CSMD1: variants seen among roughly 807,000 people sequenced by gnomAD.
The protein encoded by CSMD1 is CUB and sushi domain-containing protein 1.
CSMD1 carries 213 observed loss-of-function variants against 417.5 expected under a neutral mutation model. The ratio of observed to expected loss-of-function variants is 0.51; its 90% CI spans 0.46 to 0.57. The LOEUF (loss-of-function observed/expected upper bound fraction) is 0.57. Among genes scored for constraint, CSMD1 ranks in the 20% least tolerant of loss-of-function variants. The pLI, the probability that CSMD1 is intolerant of heterozygous loss-of-function variation, is 0.00. For synonymous variants in CSMD1, 2,862 were observed against 1,736.8 expected (o/e 1.65, Z -16.11); for missense variants, 6,923 against 4,529.7 (o/e 1.53, Z -15.17).
chr8:4,394,433 C>T (rs530173564), intron 3 of CSMD1, among the ~76,000 whole-genome samples: 32 of 152,222 alleles, frequency 2.1e-4, no homozygotes, highest in African/African-American at 6.5e-4. Context: ...ATTCAATATG[C>T]GATTTTTAGT....
intron 52 of CSMD1, among the ~76,000 whole-genome samples, chr8:3,004,458 G>C (rs1230926177): frequency 1.3e-5 from 2 of 152,150 alleles, no homozygotes; most frequent in African/African-American, 2.4e-5. Flanking sequence ...TCAATCTTCT[G>C]CGTGAATTTA....
At chr8:3,875,514 G>C (rs1336536807) in intron 5 of CSMD1, among the ~76,000 whole-genome samples, 2 of 152,240 alleles carry the variant, frequency 1.3e-5, no homozygotes, top group South Asian at 2.1e-4. Context: ...TGGAGAAAAG[G>C]GGAGGAAGCA....
intron 3 of CSMD1, among the ~76,000 whole-genome samples, chr8:4,032,609 G>C (rs759456300): frequency 1.4e-4 from 21 of 152,086 alleles, no homozygotes; most frequent in Non-Finnish European, 2.9e-4. Context: ...ATAAGCAATT[G>C]AATTAAATAA....
At chr8:4,369,320 G>A (rs370474963) in intron 3 of CSMD1, among the ~76,000 whole-genome samples, 1 of 152,150 alleles carries the variant, frequency 6.6e-6, no homozygotes, top group South Asian at 2.1e-4. Context: ...GTTATGAATT[G>A]AATTTTTTTT....
At chr8:3,347,681 G>T (rs960769212) in intron 22 of CSMD1, among the ~76,000 whole-genome samples, 3 of 152,166 alleles carry the variant, frequency 2.0e-5, no homozygotes, top group African/African-American at 7.2e-5. Context: ...GTCCAGAAAG[G>T]TAGGTACAAT....
intron 4 of CSMD1, among the ~76,000 whole-genome samples, chr8:4,018,972 C>T (rs1003830912): frequency 6.6e-6 from 1 of 152,200 alleles, no homozygotes; most frequent in Non-Finnish European, 1.5e-5. Flanking sequence ...TTTGTGATTG[C>T]TTTGTGTTTA....
intron 1 of CSMD1, among the ~76,000 whole-genome samples, chr8:4,923,598 TTG>T (rs34545275): frequency 0.3 from 45,834 of 151,818 alleles, 7,659 homozygotes; most frequent in Middle Eastern, 0.43. Context: ...GATAACCTCA[TTG>T]AGTTTAAACA....
chr8:4,259,820 C>A (rs1283039250), intron 3 of CSMD1, among the ~76,000 whole-genome samples: 1 of 152,096 alleles, frequency 6.6e-6, no homozygotes, highest in East Asian at 1.9e-4. Flanking sequence ...TTATTTGGCA[C>A]ATTACTCATA....
chr8:4,766,446 G>C (rs145630949), intron 1 of CSMD1, among the ~76,000 whole-genome samples: 1 of 152,164 alleles, frequency 6.6e-6, no homozygotes, highest in Non-Finnish European at 1.5e-5. Context: ...ATATACAGAA[G>C]GCTAACGTGC....
intron 1 of CSMD1, among the ~76,000 whole-genome samples, chr8:4,958,251 T>C (rs879891497): frequency 2.0e-5 from 3 of 152,222 alleles, no homozygotes; most frequent in Non-Finnish European, 2.9e-5. Context: ...AATATGAGAT[T>C]AGAAAAACAG....
At chr8:4,314,465 A>G (rs879427556) in intron 3 of CSMD1, among the ~76,000 whole-genome samples, 13 of 152,308 alleles carry the variant, frequency 8.5e-5, no homozygotes, top group Middle Eastern at 3.4e-3. Context: ...GCCAATTTCA[A>G]TTGCATCCGT....
chr8:3,981,235 A>C (rs559172075), intron 5 of CSMD1, among the ~76,000 whole-genome samples: 3 of 152,164 alleles, frequency 2.0e-5, no homozygotes, highest in Non-Finnish European at 4.4e-5. Flanking sequence ...AAGTGAAGTA[A>C]CTCAGGCGTT....
intron 3 of CSMD1, among the ~76,000 whole-genome samples, chr8:4,289,592 G>C (rs973692288): frequency 5.9e-5 from 9 of 152,198 alleles, no homozygotes; most frequent in South Asian, 2.1e-4. Flanking sequence ...AGGTCTGGCA[G>C]TGACGATGGT....
At chr8:3,937,931 C>G (rs749113728) in intron 5 of CSMD1, among the ~76,000 whole-genome samples, 23 of 152,060 alleles carry the variant, frequency 1.5e-4, no homozygotes, top group Non-Finnish European at 3.2e-4. Context: ...AACCTCAGTT[C>G]TAATGTTTAG....
At chr8:4,122,317 A>C (rs1168949258) in intron 3 of CSMD1, among the ~76,000 whole-genome samples, 1 of 152,152 alleles carries the variant, frequency 6.6e-6, no homozygotes, top group African/African-American at 2.4e-5. Flanking sequence ...TGATGACCAA[A>C]TATTAAGGGA....
intron 23 of CSMD1, among the ~76,000 whole-genome samples, chr8:3,320,308 A>C (rs1174843575): frequency 6.6e-6 from 1 of 152,100 alleles, no homozygotes. Context: ...CAGCCCTCAC[A>C]CACCCTGCCC....
In CSMD1 at chr8:4,315,755, T is replaced by C. The variant is rs1310922145; in HGVS notation, c.415+104198A>G. Among the ~76,000 whole-genome samples, 3 of 152,272 alleles carry C rather than the reference T, an allele frequency of 2.0e-5. No homozygotes were observed. The East Asian group carries it at 5.8e-4, about 29-fold the overall frequency. Reference sequence around the variant, plus strand: ...AAAAAAGAAACTGAATGAAAGCAACTAGCTGGTCATTTCATTTCAAAACAT... The same window carrying C: ...AAAAAAGAAACTGAATGAAAGCAACCAGCTGGTCATTTCATTTCAAAACAT... On this transcript the variant is annotated intron_variant, in intron 3 of 69. Coordinates refer to ENST00000635120, the MANE Select transcript of CSMD1 (RefSeq NM_033225.6).
intron 3 of CSMD1, among the ~76,000 whole-genome samples, chr8:4,214,465 T>C (rs1050801652): frequency 5.3e-5 from 8 of 152,072 alleles, no homozygotes; most frequent in Admixed American, 3.9e-4. Flanking sequence ...ACTTGGCTAA[T>C]GTTTGTATTT....
chr8:4,043,312 A>T (rs1298325835), intron 3 of CSMD1, among the ~76,000 whole-genome samples: 1 of 152,156 alleles, frequency 6.6e-6, no homozygotes, highest in African/African-American at 2.4e-5. Context: ...GAAAACATAA[A>T]AAGAAGAGGA....
Sources: allele counts gnomAD v4.1 joint callset (sites outside exome capture counted in the v4.1 genomes callset), GRCh38; gene constraint gnomAD v4.1.1; transcripts MANE v1.5; gene names NCBI Gene and HGNC (gene_info 2026-07-23, HGNC 2026-07-21).